WASHC2A: variants seen among roughly 807,000 people sequenced by gnomAD.
WASHC2A encodes the protein WASH complex subunit FAM21A.
Under a neutral mutation model 140.3 loss-of-function variants are expected in WASHC2A, and 82 were observed. The observed-to-expected ratio is 0.58, with a 90% CI of 0.49 to 0.70. The LOEUF (loss-of-function observed/expected upper bound fraction) is 0.70, where lower values mean the gene tolerates loss of function less well. Among genes scored for constraint, WASHC2A ranks in the 30% least tolerant of loss-of-function variants. The pLI is 0.00. For synonymous variants in WASHC2A, 340 were observed against 560.8 expected, an observed-to-expected ratio of 0.61 and a Z score of 5.56; for missense variants, 985 against 1,521.8, an observed-to-expected ratio of 0.65 and a Z score of 5.87.
Position 50,129,674 on chromosome 10 carries a change from C to T in WASHC2A, c.3343C>T (p.Pro1115Ser). ...TCCTGTGCCTGGAGTGGACAGAAGC[C>T]CCTTTGCAAAGTCTCTGGGTCATTC... ...GGPVPGVDRS[P>S]FAKSLGHSRG... The change falls in exon 29 of 31, where the codon CCC becomes TCC. Residue 1115 changes from proline to serine, a missense_variant. By Grantham distance (74) the Pro-to-Ser change is moderately conservative. Transcript: ENST00000282633. 1.9e-6 allele frequency: 3 copies of T among 1,612,072 alleles called. No homozygotes were observed. The highest frequency in any genetic ancestry group is 2.2e-5 in the East Asian group (1 of 44,880).
In WASHC2A at chr10:50,084,177, C is replaced by T. The variant is rs1349513105; in HGVS notation, c.622+12C>T. The T allele has an allele frequency of 1.2e-4, 190 of 1,610,996 alleles. 1 individual carries two copies. In the East Asian group the frequency reaches 3.9e-3, roughly 33 times the overall value. On this transcript the variant is annotated intron_variant, in intron 6 of 30. Coordinates refer to ENST00000282633, the MANE Select transcript of WASHC2A (RefSeq NM_001005751.3). Reference sequence around the variant, plus strand: ...GCTGTCCAGTGAAGGTACTTTTCTTCACCAAATAATTTTGTTCCTTAACAT... The same window carrying T: ...GCTGTCCAGTGAAGGTACTTTTCTTTACCAAATAATTTTGTTCCTTAACAT...
At chr10:50,095,568 A>T in intron 14 of WASHC2A, 31 bp from the exon 15 acceptor site, 2 of 1,611,800 alleles carry the variant, frequency 1.2e-6, no homozygotes, top group Admixed American at 1.7e-5. Flanking sequence ...ACTGGCTCAC[A>T]GCTGTGGCTG....
Position 50,068,125 on chromosome 10 carries a change from C to A in WASHC2A, c.24C>A (p.Asp8Glu). 1.2e-6 allele frequency: 2 copies of A among 1,605,726 alleles called. No individual in the cohort carries two copies. The highest frequency in any genetic ancestry group is 1.7e-6 in the Non-Finnish European group (2 of 1,176,882). Reference protein sequence around the residue: MMNRTTPDQELAPASEPV... With the variant: MMNRTTPEQELAPASEPV... ...TGCAGATGAACCGGACGACCCCCGACCAGGAGCTGGCGCCAGCGTCGGAGC... is the reference window on the plus strand; with the variant it reads ...TGCAGATGAACCGGACGACCCCCGAACAGGAGCTGGCGCCAGCGTCGGAGC... Residue 8 changes from aspartate to glutamate, a missense_variant, in exon 2 of 31, where the codon GAC becomes GAA. By Grantham distance (45) the Asp-to-Glu change is conservative. Transcript: ENST00000282633.
At chr10:50,077,287 C>T (rs1838449909) in intron 3 of WASHC2A, among the ~76,000 whole-genome samples, 1 of 151,946 alleles carries the variant, frequency 6.6e-6, no homozygotes, top group East Asian at 1.9e-4. Context: ...GAGCTAGACT[C>T]TGTCTCTAAA....
In WASHC2A at chr10:50,129,270, G is replaced by T. The variant is rs1252553511; in HGVS notation, c.3088-149G>T. 2.2e-6 allele frequency: 3 copies of T among 1,383,436 alleles called. No homozygotes were observed. In the African/African-American group the frequency reaches 4.3e-5, roughly 20 times the overall value. 85.7% of individuals were successfully genotyped at this position (1,383,436 alleles called of 1,614,324 possible). The stretch of plus-strand genomic sequence containing the variant: ...AAACTCCTTCCTTGGAAATCATTAA[G>T]AAATAACCTCTTCTATGTTCTTAGA... On this transcript the variant is annotated intron_variant, in intron 28 of 30. Coordinates refer to ENST00000282633, the MANE Select transcript of WASHC2A (RefSeq NM_001005751.3).
At chr10:50,092,613 C>T (rs1215157634) in intron 11 of WASHC2A, among the ~76,000 whole-genome samples, 9 of 151,950 alleles carry the variant, frequency 5.9e-5, no homozygotes, top group East Asian at 1.9e-4. Context: ...GCCTTGATCG[C>T]GCCACTGCAT....
chr10:50,086,531 G>C (rs1409319851), intron 7 of WASHC2A, among the ~76,000 whole-genome samples: 1 of 151,542 alleles, frequency 6.6e-6, no homozygotes, highest in Non-Finnish European at 1.5e-5. Flanking sequence ...TGCCATGCTG[G>C]TGCGCTGCAC....
At chr10:50,124,628 G>A (rs1416352434) in intron 23 of WASHC2A, among the ~76,000 whole-genome samples, 1 of 152,156 alleles carries the variant, frequency 6.6e-6, no homozygotes, top group Non-Finnish European at 1.5e-5. Context: ...TCTTTGGCCT[G>A]CAGTGCTTAC....
In WASHC2A at chr10:50,127,845, G is replaced by C. The variant is rs1268892075; in HGVS notation, c.3087+50G>C. The C allele has an allele frequency of 6.3e-6, 5 of 799,930 alleles. No individual in the cohort carries two copies. The African/African-American group carries it at 6.9e-5, about 11-fold the overall frequency. The allele number at this position is 799,930 out of a possible 1,614,324, so 49.6% of individuals were successfully genotyped here. A position where few individuals can be genotyped will look rare whatever the true frequency, so the allele number is the denominator to read the frequency against. ...TGCTCTCTTCTTTTAACCAGAACAT[G>C]CATATGCTTCTTTCTAGTTTATCAG... On this transcript the variant is annotated intron_variant, in intron 28 of 30. Coordinates refer to ENST00000282633, the MANE Select transcript of WASHC2A (RefSeq NM_001005751.3).
intron 28 of WASHC2A, among the ~76,000 whole-genome samples, chr10:50,128,996 T>C (rs1460136570): frequency 2.6e-5 from 4 of 151,986 alleles, no homozygotes; most frequent in African/African-American, 9.7e-5. Flanking sequence ...ACTAGCCCCC[T>C]AACAAAGGTT....
intron 3 of WASHC2A, among the ~76,000 whole-genome samples, chr10:50,073,352 A>G (rs2082553495): frequency 6.6e-6 from 1 of 152,110 alleles, no homozygotes; most frequent in South Asian, 2.1e-4. Context: ...TTTTGTGAAA[A>G]GCCAGATCTT....
chr10:50,116,503 C>CG (rs1282297746), intron 21 of WASHC2A, among the ~76,000 whole-genome samples: 2 of 141,060 alleles, frequency 1.4e-5, no homozygotes, highest in Admixed American at 1.4e-4. Flanking sequence ...TTAGTAGAGA[C>CG]GGGGTTTCAC....
rs1286288763 is a variant in WASHC2A at position 50,127,606 on chromosome 10, G to C, written c.2898G>C (p.Ala966=). The change falls in exon 28 of 31, where the codon GCG becomes GCC. Residue 966 remains alanine, a synonymous_variant. Transcript: ENST00000282633. ...AGGCAAATTTAGCGATCAACCCAGC[G>C]GCCTTGCTGCCCACAGCGGCTTCCC... is the stretch of plus-strand genomic sequence containing the variant. ...KIQANLAINP[A]ALLPTAASQI... is the part of the protein sequence containing the mutation. 49 of 1,609,378 alleles carry C rather than the reference G, an allele frequency of 3.0e-5. No homozygotes were observed. Among genetic ancestry groups the C allele is most frequent in the Non-Finnish European group, 4.0e-5 (47 of 1,178,950 alleles).
chr10:50,104,508 C>T (rs1841554415), intron 18 of WASHC2A, among the ~76,000 whole-genome samples: 1 of 152,026 alleles, frequency 6.6e-6, no homozygotes, highest in East Asian at 1.9e-4. Context: ...AGGCGTGCAC[C>T]ACCACTCCCG....
rs2132866986 is a variant in WASHC2A, at chr10:50,110,254, G to C, written c.2023G>C (p.Ala675Pro). 1.2e-6 allele frequency: 2 copies of C among 1,611,764 alleles called. No homozygotes were observed. The highest frequency in any genetic ancestry group is 4.5e-5 in the East Asian group (2 of 44,876). ...GGAAGACGAAGAAGATGATCTTTTT[G>C]CCATTGCCAAGGACAGGTGAGATAG... Reference protein sequence around the residue: ...FEEDEEDDLFAIAKDSQKKTQ... With the variant: ...FEEDEEDDLFPIAKDSQKKTQ... Residue 675 changes from alanine (A) to proline (P), a missense_variant, in exon 20 of 31, where the codon GCC becomes CCC. Coordinates refer to ENST00000282633, the MANE Select transcript of WASHC2A (RefSeq NM_001005751.3).
intron 17 of WASHC2A, among the ~76,000 whole-genome samples, chr10:50,100,768 G>T (rs1841048862): frequency 1.3e-5 from 2 of 152,250 alleles, no homozygotes; most frequent in Admixed American, 6.5e-5. Context: ...CATCTGTCTT[G>T]TCGAGACTGA....
chr10:50,127,435 T>A (rs1843531165), intron 27 of WASHC2A, 148 bp from the exon 28 acceptor site: 1 of 1,592,488 alleles, frequency 6.3e-7, no homozygotes, highest in Admixed American at 1.7e-5. Flanking sequence ...TCTGTTTTAA[T>A]TCTGAGACTA....
chr10:50,094,779 G>A (rs1396088168), intron 13 of WASHC2A, among the ~76,000 whole-genome samples: 5 of 150,658 alleles, frequency 3.3e-5, no homozygotes, highest in Admixed American at 6.7e-5. Flanking sequence ...TTTTTCACCC[G>A]TTCATTCTCA....
intron 30 of WASHC2A, among the ~76,000 whole-genome samples, chr10:50,132,006 C>G (rs1448582247): frequency 2.6e-5 from 4 of 152,156 alleles, no homozygotes; most frequent in Admixed American, 6.5e-5. Context: ...TCAATATATA[C>G]CCACCTTTTT....
Sources: gnomAD v4.1 joint callset for allele counts (sites outside exome capture counted in the v4.1 genomes callset) on GRCh38, gnomAD v4.1.1 for gene constraint, MANE v1.5 for transcripts, NCBI Gene and HGNC (gene_info 2026-07-23, HGNC 2026-07-21) for gene names.